ARHGAP24: variants seen among roughly 807,000 people sequenced by gnomAD.
The protein encoded by ARHGAP24 is rho GTPase-activating protein 24.
A neutral mutation model predicts 76.4 loss-of-function variants in ARHGAP24; 50 were observed. The ratio of observed to expected loss-of-function variants is 0.65; its 90% CI spans 0.52 to 0.83. The LOEUF (loss-of-function observed/expected upper bound fraction) is 0.83. Ranked by LOEUF, ARHGAP24 falls within the 40% of genes least tolerant of loss-of-function variation. The pLI is 0.00. For missense variants in ARHGAP24, 930 were observed against 914.2 expected, an observed-to-expected ratio of 1.02 and a Z score of -0.22; for synonymous variants, 345 against 323.3, an observed-to-expected ratio of 1.07 and a Z score of -0.72.
At chr4:85,947,201 T>TAAAC (rs771964774) in intron 5 of ARHGAP24, among the ~76,000 whole-genome samples, 19 of 152,178 alleles carry the variant, frequency 1.2e-4, no homozygotes, top group Non-Finnish European at 2.2e-4. Flanking sequence ...CTTGTTGACT[T>TAAAC]GTTTAAGTTC....
At chr4:85,590,377 T>C (rs1728043275) in intron 2 of ARHGAP24, among the ~76,000 whole-genome samples, 1 of 151,972 alleles carries the variant, frequency 6.6e-6, no homozygotes, top group South Asian at 2.1e-4. Context: ...TTTTATTTTT[T>C]GAGATGGAGT....
chr4:85,755,382 C>T (rs1726437220), intron 3 of ARHGAP24, among the ~76,000 whole-genome samples: 1 of 151,990 alleles, frequency 6.6e-6, no homozygotes, highest in African/African-American at 2.4e-5. Flanking sequence ...TTTAGATACC[C>T]CTACACTTGT....
intron 1 of ARHGAP24, among the ~76,000 whole-genome samples, chr4:85,489,896 T>C (rs1265309913): frequency 6.6e-6 from 1 of 152,198 alleles, no homozygotes; most frequent in Non-Finnish European, 1.5e-5. Context: ...ATGTTTTTAC[T>C]GCTGTTTTCT....
At chr4:85,584,297 T>G (rs1044328197) in intron 2 of ARHGAP24, among the ~76,000 whole-genome samples, 12 of 152,106 alleles carry the variant, frequency 7.9e-5, no homozygotes, top group Non-Finnish European at 1.5e-4. Context: ...TGTAGGGACA[T>G]GGATGAAATT....
At chr4:85,532,003 A>G (rs541781845) in intron 1 of ARHGAP24, among the ~76,000 whole-genome samples, 11 of 152,244 alleles carry the variant, frequency 7.2e-5, no homozygotes, top group African/African-American at 2.6e-4. Flanking sequence ...TGAAGGTCAG[A>G]TAAAACTTAT....
intron 3 of ARHGAP24, among the ~76,000 whole-genome samples, chr4:85,852,416 T>A (rs905049925): frequency 1.3e-5 from 2 of 152,182 alleles, no homozygotes; most frequent in African/African-American, 4.8e-5. Context: ...CTCAGAGAAA[T>A]TTGTTTTTAC....
chr4:85,817,977 T>A (rs964417593), intron 3 of ARHGAP24, among the ~76,000 whole-genome samples: 23 of 152,370 alleles, frequency 1.5e-4, no homozygotes, highest in Admixed American at 2.0e-4. Context: ...CCAAGTCTTA[T>A]TTCATAAGCC....
At chr4:85,897,716 C>G (rs1441817396) in intron 3 of ARHGAP24, among the ~76,000 whole-genome samples, 1 of 152,146 alleles carries the variant, frequency 6.6e-6, no homozygotes, top group Non-Finnish European at 1.5e-5. Flanking sequence ...TCTCATTTAT[C>G]TTCCTTTTTC....
chr4:85,633,533 A>C (rs1721225649), intron 2 of ARHGAP24, among the ~76,000 whole-genome samples: 1 of 151,806 alleles, frequency 6.6e-6, no homozygotes, highest in African/African-American at 2.4e-5. Context: ...GACCTCTCAA[A>C]TCTATTTTGC....
intron 1 of ARHGAP24, among the ~76,000 whole-genome samples, chr4:85,559,202 C>T (rs1486329365): frequency 1.3e-5 from 2 of 152,160 alleles, no homozygotes; most frequent in Non-Finnish European, 2.9e-5. Flanking sequence ...CATTGCTCTC[C>T]CATCCCTTGG....
At chr4:85,987,895 A>G (rs1740097511) in intron 8 of ARHGAP24, among the ~76,000 whole-genome samples, 1 of 151,976 alleles carries the variant, frequency 6.6e-6, no homozygotes, top group African/African-American at 2.4e-5. Context: ...CTGAGAACCA[A>G]TTTAAGAGAA....
chr4:85,950,652 T>A (rs1303894354), intron 5 of ARHGAP24, among the ~76,000 whole-genome samples: 1 of 150,558 alleles, frequency 6.6e-6, no homozygotes, highest in African/African-American at 2.4e-5. Context: ...CTTTTACTTT[T>A]ATTTTTTCTT....
At chr4:85,614,563 T>A (rs1578078948) in intron 2 of ARHGAP24, among the ~76,000 whole-genome samples, 1 of 152,100 alleles carries the variant, frequency 6.6e-6, no homozygotes, top group East Asian at 1.9e-4. Flanking sequence ...ATATTTGTTG[T>A]TAGAATTTAG....
At chr4:85,914,278 T>G (rs971384049) in intron 3 of ARHGAP24, among the ~76,000 whole-genome samples, 1 of 152,240 alleles carries the variant, frequency 6.6e-6, no homozygotes, top group Non-Finnish European at 1.5e-5. Flanking sequence ...CTAAAATTTA[T>G]AGCCTCTACC....
intron 2 of ARHGAP24, 177 bp downstream of exon 2, chr4:85,570,898 A>G: frequency 4.4e-6 from 3 of 681,682 alleles, no homozygotes; most frequent in Non-Finnish European, 7.2e-6. Flanking sequence ...AAAATCGCTA[A>G]TTGAGGCCAA....
At chr4:85,686,988 T>G (rs573141122) in intron 2 of ARHGAP24, among the ~76,000 whole-genome samples, 3 of 152,034 alleles carry the variant, frequency 2.0e-5, no homozygotes. Flanking sequence ...CTACCAGGTG[T>G]CACCCCTTGT....
chr4:85,759,620 T>C (rs1190856665), intron 3 of ARHGAP24, among the ~76,000 whole-genome samples: 4 of 152,194 alleles, frequency 2.6e-5, no homozygotes, highest in African/African-American at 9.7e-5. Context: ...ATAGTTTCTC[T>C]GTCTATAGGA....
At chr4:85,551,632 C>G (rs1019590409) in intron 1 of ARHGAP24, among the ~76,000 whole-genome samples, 1 of 152,156 alleles carries the variant, frequency 6.6e-6, no homozygotes. Flanking sequence ...CTTTATACAT[C>G]TGGTAGAATT....
At chr4:85,873,778 A>G (rs2110194784) in intron 3 of ARHGAP24, among the ~76,000 whole-genome samples, 1 of 152,314 alleles carries the variant, frequency 6.6e-6, no homozygotes, top group South Asian at 2.1e-4. Flanking sequence ...CTCCACACTG[A>G]AGCTGATGTC....
Sources: gnomAD v4.1 joint callset for allele counts (sites outside exome capture counted in the v4.1 genomes callset) on GRCh38, gnomAD v4.1.1 for gene constraint, MANE v1.5 for transcripts, NCBI Gene and HGNC (gene_info 2026-07-23, HGNC 2026-07-21) for gene names.